The following SS18L2 variants were observed in gnomAD, a reference collection of about 807,000 sequenced individuals.
The protein encoded by SS18L2 is SS18-like protein 2.
Under a neutral mutation model 10.3 loss-of-function variants are expected in SS18L2, and 8 were observed. The observed-to-expected ratio is 0.78, with a 90% CI of 0.46 to 1.41. The LOEUF is 1.41. SS18L2 is among the 40% of genes most tolerant of loss of function. SS18L2 has a pLI of 0.00. For missense variants in SS18L2, 100 were observed against 96.2 expected (o/e 1.04, Z -0.17); for synonymous variants, 41 against 34.6 (o/e 1.19, Z -0.65).
At chr3:42,592,085 A>C (rs1704871412) in intron 2 of SS18L2, among the ~76,000 whole-genome samples, 2 of 152,266 alleles carry the variant, frequency 1.3e-5, no homozygotes, top group African/African-American at 4.8e-5. Flanking sequence ...GTTAAGTCAA[A>C]GGTAAATTGT....
At chr3:42,588,525 C>T (rs1025433628), upstream of SS18L2, among the ~76,000 whole-genome samples, 1 of 152,130 alleles carries the variant, frequency 6.6e-6, no homozygotes, top group African/African-American at 2.4e-5. Context: ...ATACCCAGGA[C>T]AGATCTTTGT....
intron 2 of SS18L2, among the ~76,000 whole-genome samples, chr3:42,593,980 G>A (rs1704950636): frequency 6.6e-6 from 1 of 152,182 alleles, no homozygotes. Flanking sequence ...AGCCATAAGA[G>A]GTGAGATCAG....
upstream of SS18L2, chr3:42,590,661 A>G (rs907025893): frequency 1.0e-5 from 6 of 596,964 alleles, no homozygotes; most frequent in African/African-American, 1.9e-5. Flanking sequence ...CCCAGCCCCA[A>G]CCCACAAGTT....
At chr3:42,585,065 G>A (rs1704567593) in intron 1 of SS18L2, among the ~76,000 whole-genome samples, 1 of 152,150 alleles carries the variant, frequency 6.6e-6, no homozygotes, top group South Asian at 2.1e-4. Flanking sequence ...GGAGGAGGAG[G>A]CTGCAGTAAG....
chr3:42,593,332 G>C lies in SS18L2; in HGVS notation c.147-1090G>C, dbSNP rs187458350. ...CTTGGGAGGCCGAGGCAGGAGAATT[G>C]CTTGAACCCAGGAGGTGGAGGTTGC... On this transcript the variant is annotated intron_variant, in intron 2 of 2. Transcript: ENST00000011691. Among the ~76,000 whole-genome samples the C allele has an allele frequency of 3.3e-3, 496 of 152,284 alleles. 1 individual carries two copies. The highest frequency in any genetic ancestry group is 0.011 in the African/African-American group (468 of 41,550).
upstream of SS18L2, among the ~76,000 whole-genome samples, chr3:42,588,535 T>G (rs891819667): frequency 5.9e-5 from 9 of 152,336 alleles, no homozygotes; most frequent in East Asian, 1.5e-3. Flanking sequence ...CAGATCTTTG[T>G]GTGTATATAT....
At chr3:42,589,170 G>T (rs12054430), upstream of SS18L2, among the ~76,000 whole-genome samples, 51 of 152,180 alleles carry the variant, frequency 3.4e-4, no homozygotes, top group East Asian at 9.1e-3. Context: ...TCAGCAGGCT[G>T]AGGCAGGAGA....
At chr3:42,582,231 C>T (rs886914371) in intron 1 of SS18L2, 2 of 152,258 alleles carry the variant, frequency 1.3e-5, no homozygotes, top group South Asian at 2.1e-4. Context: ...TTCTCACGTC[C>T]GGAGGTGAGA....
chr3:42,591,516 A>G lies in SS18L2; in HGVS notation c.70-9A>G, dbSNP rs773136134. ...CCTGCACTGACCCTTTCTTTCTCTG[A>G]TCTTTCAGCTCCTTGAGGAGAATGA... On this transcript the variant is annotated splice_polypyrimidine_tract_variant and intron_variant, in intron 1 of 2. Transcript: ENST00000011691. The G allele has an allele frequency of 3.7e-6, 6 of 1,611,668 alleles. No individual in the cohort carries two copies. The highest frequency in any genetic ancestry group is 5.1e-6 in the Non-Finnish European group (6 of 1,177,852).
chr3:42,594,447 CTCATT>C lies in SS18L2; in HGVS notation c.174_178del (p.Ile59PhefsTer24). On this transcript the variant is annotated frameshift_variant, in exon 3 of 3. Transcript: ENST00000011691. LOFTEE classifies it high-confidence loss of function. ...GTACCAGCATGTGTTACATAGAAAT[CTCATT>C]TATTTGGCTACCATTGCAGATGCCA... is the stretch of plus-strand genomic sequence containing the variant. 6.2e-7 allele frequency: 1 copy of C among 1,613,806 alleles called. No individual in the cohort carries two copies. The highest frequency in any genetic ancestry group is 8.5e-7 in the Non-Finnish European group (1 of 1,179,782).
chr3:42,585,336 G>A (rs1040461816), intron 1 of SS18L2, among the ~76,000 whole-genome samples: 2 of 152,056 alleles, frequency 1.3e-5, no homozygotes, highest in African/African-American at 4.8e-5. Flanking sequence ...GTTCACTTTG[G>A]CTCCAGGTTC....
chr3:42,584,897 A>G (rs1337265136), intron 1 of SS18L2, among the ~76,000 whole-genome samples: 1 of 152,098 alleles, frequency 6.6e-6, no homozygotes, highest in Non-Finnish European at 1.5e-5. Context: ...GCACTTTGGG[A>G]GGCCAAGGTG....
intron 1 of SS18L2, among the ~76,000 whole-genome samples, chr3:42,583,125 G>A (rs1704485305): frequency 6.6e-6 from 1 of 152,202 alleles, no homozygotes; most frequent in Non-Finnish European, 1.5e-5. Flanking sequence ...GGACCATAGT[G>A]GAAAGTTTAG....
At chr3:42,590,362 A>T (rs533999408), upstream of SS18L2, among the ~76,000 whole-genome samples, 3 of 152,152 alleles carry the variant, frequency 2.0e-5, no homozygotes, top group Non-Finnish European at 2.9e-5. Context: ...TCCTGCAGAT[A>T]GATTGAGTAT....
upstream of SS18L2, among the ~76,000 whole-genome samples, chr3:42,590,330 T>C (rs1268796386): frequency 6.6e-6 from 1 of 152,092 alleles, no homozygotes; most frequent in Non-Finnish European, 1.5e-5. Context: ...CCAGACACGC[T>C]GGGTGAAGCC....
rs1705004850 is a variant in SS18L2 at position 42,595,573 on chromosome 3, T to C, written c.*1064T>C. On this transcript the variant is annotated 3_prime_UTR_variant, in exon 3 of 3. Transcript: ENST00000011691. ...AATTATGATCCACCCAGCTTTGATGTGGTAATTCATTAGGGATTACATAAT... is the reference window on the plus strand; with the variant it reads ...AATTATGATCCACCCAGCTTTGATGCGGTAATTCATTAGGGATTACATAAT... Among the ~76,000 whole-genome samples, 1 of 152,232 alleles carries C rather than the reference T, an allele frequency of 6.6e-6. No individual in the cohort carries two copies. Among genetic ancestry groups the C allele is most frequent in the African/African-American group, 2.4e-5 (1 of 41,470 alleles).
Position 42,596,479 on chromosome 3 carries a change from TG to T in SS18L2, c.*1972del, listed in dbSNP as rs1398237890. 6.6e-6 allele frequency among the ~76,000 whole-genome samples: 1 copy of T among 152,214 alleles called. No individual in the cohort carries two copies. The highest frequency in any genetic ancestry group is 2.4e-5 in the African/African-American group (1 of 41,460). Reference sequence around the variant, plus strand: ...ATTACCTGAAAATTCGTACTACCAGTGGTTCTTCTTCATGATAAATCATGGA... The same window carrying T: ...ATTACCTGAAAATTCGTACTACCAGTGTTCTTCTTCATGATAAATCATGGA... On this transcript the variant is annotated 3_prime_UTR_variant, in exon 3 of 3. Transcript: ENST00000011691.
upstream of SS18L2, chr3:42,590,705 G>GA (rs1704790958): frequency 6.1e-6 from 4 of 652,504 alleles, no homozygotes; most frequent in South Asian, 5.4e-5. Flanking sequence ...CAAAGGATAC[G>GA]AAAACGCCCC....
At position 42,594,977 on chromosome 3, in the gene SS18L2, G is replaced by C. The variant is rs956383298; in HGVS notation, c.*468G>C. 1.3e-5 allele frequency: 2 copies of C among 152,754 alleles called. No homozygotes were observed. The highest frequency in any genetic ancestry group is 1.3e-4 in the Admixed American group (2 of 15,322). 9.5% of individuals were successfully genotyped at this position (152,754 alleles called of 1,614,324 possible). A position where few individuals can be genotyped will look rare whatever the true frequency, so the allele number is the denominator to read the frequency against. ...TGTTTTCAGATTGCTTTGAAATAAA[G>C]CTTATTTTTCTATAAAATACTGATG... On this transcript the variant is annotated 3_prime_UTR_variant, in exon 3 of 3. Transcript: ENST00000011691.
Sources: allele counts gnomAD v4.1 joint callset (sites outside exome capture counted in the v4.1 genomes callset), GRCh38; gene constraint gnomAD v4.1.1; transcripts MANE v1.5; gene names NCBI Gene and HGNC (gene_info 2026-07-23, HGNC 2026-07-21).